Variants in HSDL2 observed in about 807,000 individuals in gnomAD.
The protein encoded by HSDL2 is hydroxysteroid dehydrogenase like 2, also known as hydroxysteroid dehydrogenase-like protein 2.
In HSDL2, 27 loss-of-function variants were observed where a neutral mutation model predicts 46.3. The ratio of observed to expected loss-of-function variants is 0.58; its 90% CI spans 0.43 to 0.80. The LOEUF (loss-of-function observed/expected upper bound fraction) is 0.80, where lower values mean the gene tolerates loss of function less well. Among genes scored for constraint, HSDL2 ranks in the 30% least tolerant of loss-of-function variants. The pLI, the probability that HSDL2 is intolerant of heterozygous loss-of-function variation, is 0.00. For missense variants in HSDL2, 451 were observed against 502.7 expected, an observed-to-expected ratio of 0.90 and a Z score of 0.98; for synonymous variants, 153 against 163.6, an observed-to-expected ratio of 0.94 and a Z score of 0.50.
chr9:112,418,114 A>G (rs1358839731), intron 5 of HSDL2, among the ~76,000 whole-genome samples: 1 of 152,142 alleles, frequency 6.6e-6, no homozygotes, highest in East Asian at 1.9e-4. Context: ...AATGTAATTT[A>G]CCCTCATAGT....
intron 6 of HSDL2, among the ~76,000 whole-genome samples, chr9:112,437,997 C>T (rs931034759): frequency 6.6e-6 from 1 of 152,178 alleles, no homozygotes; most frequent in Non-Finnish European, 1.5e-5. Context: ...CCTGTAATCC[C>T]AGCACTTTGG....
At chr9:112,431,941 G>A (rs7044552) in intron 6 of HSDL2, among the ~76,000 whole-genome samples, 39,088 of 149,488 alleles carry the variant, frequency 0.26, 5,269 homozygotes, top group Middle Eastern at 0.37. Flanking sequence ...GTGCAGTGGT[G>A]CGATCTCAGC....
rs548883594 is a variant in HSDL2 at position 112,394,198 on chromosome 9, A to AT, written c.18-9797_18-9796insT. On this transcript the variant is annotated intron_variant, in intron 1 of 10. Transcript: ENST00000398805. Reference sequence around the variant, plus strand: ...GGTGGTAGTGGGGACAACAGACAGAAAAGTTTCCCCTTCCCATACTCGCAG... The same window carrying AT: ...GGTGGTAGTGGGGACAACAGACAGAATAAGTTTCCCCTTCCCATACTCGCAG... Among the ~76,000 whole-genome samples, 251 of 152,282 alleles carry AT rather than the reference A, an allele frequency of 1.6e-3. 1 individual carries two copies. Among genetic ancestry groups the AT allele is most frequent in the African/African-American group, 5.7e-3 (238 of 41,550 alleles).
chr9:112,413,142 C>T (rs534743717), intron 4 of HSDL2, among the ~76,000 whole-genome samples: 9 of 151,564 alleles, frequency 5.9e-5, no homozygotes, highest in South Asian at 2.1e-4. Context: ...GATTTTTGGC[C>T]TTCTATGAAA....
intron 6 of HSDL2, among the ~76,000 whole-genome samples, chr9:112,423,182 A>C (rs1275030790): frequency 6.6e-6 from 1 of 152,226 alleles, no homozygotes; most frequent in Non-Finnish European, 1.5e-5. Context: ...GATTATATAG[A>C]ATAACTGGGA....
At chr9:112,380,325 G>T in intron 1 of HSDL2, 145 bp downstream of exon 1, 2 of 712,088 alleles carry the variant, frequency 2.8e-6, no homozygotes, top group Non-Finnish European at 4.5e-6. Context: ...TCTGGTCCGC[G>T]CTGGGCACTG....
chr9:112,459,719 G>A, intron 10 of HSDL2, 142 bp downstream of exon 10: 1 of 653,490 alleles, frequency 1.5e-6, no homozygotes, highest in Non-Finnish European at 2.6e-6. Context: ...TGTTCTTACT[G>A]TTGCCTCCAT....
At chr9:112,449,516 T>G (rs1231964739) in intron 8 of HSDL2, among the ~76,000 whole-genome samples, 1 of 152,182 alleles carries the variant, frequency 6.6e-6, no homozygotes, top group Non-Finnish European at 1.5e-5. Context: ...CTTTTCTCTT[T>G]TCTGATTATC....
intron 8 of HSDL2, among the ~76,000 whole-genome samples, chr9:112,450,784 A>G (rs1046653575): frequency 6.6e-6 from 1 of 152,066 alleles, no homozygotes; most frequent in Non-Finnish European, 1.5e-5. Flanking sequence ...ATATTTTACC[A>G]GTAGGTTCAT....
chr9:112,381,331 A>T (rs1831090123), intron 1 of HSDL2, among the ~76,000 whole-genome samples: 1 of 152,028 alleles, frequency 6.6e-6, no homozygotes, highest in Non-Finnish European at 1.5e-5. Flanking sequence ...GCCCAGGGAC[A>T]TACATTTTTA....
chr9:112,425,303 T>C (rs1832220991), intron 6 of HSDL2, among the ~76,000 whole-genome samples: 1 of 152,192 alleles, frequency 6.6e-6, no homozygotes, highest in South Asian at 2.1e-4. Context: ...TAACTTATTC[T>C]GAACTACCAT....
At chr9:112,463,938 G>T (rs1045518619) in intron 10 of HSDL2, among the ~76,000 whole-genome samples, 1 of 151,956 alleles carries the variant, frequency 6.6e-6, no homozygotes, top group Non-Finnish European at 1.5e-5. Flanking sequence ...TGGGATTATA[G>T]GCATGAGCCA....
chr9:112,444,265 G>A (rs1312913189), intron 8 of HSDL2, among the ~76,000 whole-genome samples: 2 of 152,168 alleles, frequency 1.3e-5, no homozygotes, highest in African/African-American at 2.4e-5. Flanking sequence ...TGTATCCCTT[G>A]TTTCCAAAGG....
intron 1 of HSDL2, among the ~76,000 whole-genome samples, chr9:112,387,926 A>G (rs577234358): frequency 2.5e-4 from 38 of 152,020 alleles, no homozygotes; most frequent in Non-Finnish European, 5.0e-4. Context: ...TGCAAGACCA[A>G]GGCAGGAGAA....
rs75786220 is a variant in HSDL2, at chr9:112,403,067, G to A, written c.18-928G>A. Among the ~76,000 whole-genome samples, 1,390 of 152,282 alleles carry A rather than the reference G, an allele frequency of 9.1e-3. 26 individuals are homozygous for A. Among genetic ancestry groups the A allele is most frequent in the African/African-American group, 0.031 (1,303 of 41,550 alleles). ...GATCAACCTGCAGCAATTTGTGAGC[G>A]TTTGTTTATTTAACAGCTCTTTTGA... On this transcript the variant is annotated intron_variant, in intron 1 of 10. Transcript: ENST00000398805.
chr9:112,382,130 G>A (rs566331385), intron 1 of HSDL2, among the ~76,000 whole-genome samples: 4 of 152,224 alleles, frequency 2.6e-5, no homozygotes, highest in Non-Finnish European at 4.4e-5. Context: ...ACCTGGTAGC[G>A]GGCACCTGTA....
In HSDL2 at chr9:112,438,442, G is replaced by A; in HGVS notation, c.610G>A (p.Ala204Thr). ...ALWPKTAIHT[A>T]AMDMLGGPGI... ...TGTTTTCTCTACAGCCATACACACT[G>A]CTGCTATGGATATGCTGGGAGGACC... The change falls in exon 7 of 11, where the codon GCT becomes ACT. Residue 204 changes from alanine to threonine, a missense_variant. Transcript: ENST00000398805. The A allele has an allele frequency of 6.3e-7, 1 of 1,598,278 alleles. No individual in the cohort carries two copies. Among genetic ancestry groups the A allele is most frequent in the Non-Finnish European group, 8.5e-7 (1 of 1,172,994 alleles).
At chr9:112,416,450 A>C (rs1168455586) in intron 4 of HSDL2, among the ~76,000 whole-genome samples, 1 of 150,610 alleles carries the variant, frequency 6.6e-6, no homozygotes, top group Non-Finnish European at 1.5e-5. Flanking sequence ...AAACAAACAA[A>C]AAAAAAGAAG....
In HSDL2 at chr9:112,380,281, G is replaced by A. The variant is rs77822422; in HGVS notation, c.17+101G>A. On this transcript the variant is annotated intron_variant, in intron 1 of 10. Coordinates refer to ENST00000398805, the MANE Select transcript of HSDL2 (RefSeq NM_032303.5). ...CCCGGGCTGGCCGGCCCGGCTGTGG[G>A]AGGTCAAGGATACTGCCTGGGCACG... 11,859 of 1,197,074 alleles carry A rather than the reference G, an allele frequency of 9.9e-3. 482 individuals are homozygous for A. The East Asian group carries it at 0.11, about 11-fold the overall frequency. 74.2% of individuals were successfully genotyped at this position (1,197,074 alleles called of 1,614,324 possible). A position where few individuals can be genotyped will look rare whatever the true frequency, so the allele number is the denominator to read the frequency against.
Sources: gnomAD v4.1 joint callset for allele counts (sites outside exome capture counted in the v4.1 genomes callset) on GRCh38, gnomAD v4.1.1 for gene constraint, MANE v1.5 for transcripts, NCBI Gene and HGNC (gene_info 2026-07-23, HGNC 2026-07-21) for gene names.